The following CD109 variants were observed in gnomAD, a reference collection of about 807,000 sequenced individuals.
CD109 encodes CD109 antigen.
A neutral mutation model predicts 165.8 loss-of-function variants in CD109; 149 were observed. The ratio of observed to expected loss-of-function variants is 0.90; its 90% CI spans 0.79 to 1.03. The LOEUF (loss-of-function observed/expected upper bound fraction) is 1.03. CD109 is among the 50% of genes least tolerant of loss of function. The probability of loss-of-function intolerance (pLI) is 0.00; values close to 1 mark genes in which losing one functional copy is unlikely to be tolerated. For missense variants in CD109, 1,712 were observed against 1,677.8 expected (o/e 1.02, Z -0.36); for synonymous variants, 585 against 592.1 (o/e 0.99, Z 0.18).
intron 3 of CD109, among the ~76,000 whole-genome samples, chr6:73,729,865 A>G (rs539667978): frequency 2.0e-4 from 31 of 152,228 alleles, no homozygotes; most frequent in African/African-American, 7.0e-4. Flanking sequence ...CATCATCCCT[A>G]CCAAGACTAT....
Position 73,723,278 on chromosome 6 carries a change from C to G in CD109, c.275C>G (p.Ser92Ter). 6.2e-7 allele frequency: 1 copy of G among 1,609,724 alleles called. No homozygotes were observed. Among genetic ancestry groups the G allele is most frequent in the Non-Finnish European group, 8.5e-7 (1 of 1,177,248 alleles). The change falls in exon 3 of 33, where the codon TCA becomes TGA. Residue 92 changes from serine to a stop codon, truncating the protein, a stop_gained and splice_region_variant. Transcript: ENST00000287097. LOFTEE classifies it high-confidence loss of function. ...KGSFKTLTLPSLPLNSADEIY... is the reference protein window; with the variant it reads ...KGSFKTLTLP ...TCTTTTAAGACACTTACTCTTCCAT[C>G]AGTAAGTATCCATTTAAAAAATTTG...
intron 4 of CD109, among the ~76,000 whole-genome samples, chr6:73,735,435 T>A (rs1476306748): frequency 6.6e-6 from 1 of 152,022 alleles, no homozygotes; most frequent in Admixed American, 6.6e-5. Flanking sequence ...GGAAGATTAG[T>A]TGCATTAGTT....
At chr6:73,683,493 AG>A in the CD109 span, among the ~76,000 whole-genome samples, 1 of 152,214 alleles carries the variant, frequency 6.6e-6, no homozygotes, top group African/African-American at 2.4e-5. Context: ...GTCTCTAGGA[AG>A]TTCCAAACGT....
rs73458397 is a variant in CD109, at chr6:73,750,218, G to A, written c.634-6425G>A. 6.5e-3 allele frequency among the ~76,000 whole-genome samples: 994 copies of A among 152,204 alleles called. 17 individuals are homozygous for A. The highest frequency in any genetic ancestry group is 0.022 in the African/African-American group (928 of 41,540). On this transcript the variant is annotated intron_variant, in intron 5 of 32. Coordinates refer to ENST00000287097, the MANE Select transcript of CD109 (RefSeq NM_133493.5). ...CTGGGAATTTCAAGTTGGGTCTTTG[G>A]GAGAATCACCCATATCAGTTCTAGG... is the stretch of plus-strand genomic sequence containing the variant.
chr6:73,796,148 T>G (rs929143265), intron 23 of CD109, among the ~76,000 whole-genome samples: 1 of 152,194 alleles, frequency 6.6e-6, no homozygotes, highest in Non-Finnish European at 1.5e-5. Flanking sequence ...CTGACTAGTC[T>G]TTTTCTGTGT....
intron 3 of CD109, among the ~76,000 whole-genome samples, chr6:73,725,602 G>A (rs562244795): frequency 5.0e-5 from 7 of 140,010 alleles, no homozygotes; most frequent in South Asian, 2.2e-4. Flanking sequence ...TCCGTTTCCC[G>A]GATTCAAGAG....
upstream of CD109, chr6:73,695,977 T>G: frequency 2.0e-6 from 1 of 506,970 alleles, no homozygotes; most frequent in South Asian, 2.2e-5. Flanking sequence ...TCTCACCCCC[T>G]GGATTTGCGA....
rs1770827280 is a variant in CD109, at chr6:73,696,253, T to G, written c.38T>G (p.Leu13Arg). 6 of 1,540,692 alleles carry G rather than the reference T, an allele frequency of 3.9e-6. No individual in the cohort carries two copies. Among genetic ancestry groups the G allele is most frequent in the Non-Finnish European group, 4.4e-6 (5 of 1,148,334 alleles). ...GPPLLTAAHL[L>R]CVCTAALAVA... Reference sequence around the variant, plus strand: ...CCGCTCCTGACCGCCGCCCACCTCCTCTGCGTGTGCACCGCCGCGCTGGCC... The same window carrying G: ...CCGCTCCTGACCGCCGCCCACCTCCGCTGCGTGTGCACCGCCGCGCTGGCC... The change falls in exon 1 of 33, where the codon CTC becomes CGC. Residue 13 changes from leucine (L) to arginine (R), a missense_variant. Physicochemically the swap from Leu to Arg is moderately radical, Grantham distance 102. Transcript: ENST00000287097.
At chr6:73,781,918 C>T (rs912791156) in intron 17 of CD109, among the ~76,000 whole-genome samples, 1 of 151,846 alleles carries the variant, frequency 6.6e-6, no homozygotes, top group African/African-American at 2.4e-5. Context: ...AGTTGGCTGC[C>T]AAGTAATAAT....
At chr6:73,803,331 G>C (rs370347488) in intron 24 of CD109, 30 bp downstream of exon 24, 8 of 1,556,904 alleles carry the variant, frequency 5.1e-6, no homozygotes, top group Non-Finnish European at 6.2e-6. Flanking sequence ...GAACAAATCC[G>C]TGTCATGGAA....
In CD109 at chr6:73,806,962, T is replaced by C. The variant is rs760538487; in HGVS notation, c.3079T>C (p.Phe1027Leu). 1.9e-6 allele frequency: 3 copies of C among 1,614,010 alleles called. No individual in the cohort carries two copies. In the South Asian group the frequency reaches 3.3e-5, roughly 18 times the overall value. Reference sequence around the variant, plus strand: ...AGGACATCAGAAATCCAACGGTGAATTTTGGGATCCAGGAAGAGTGATTCA... The same window carrying C: ...AGGACATCAGAAATCCAACGGTGAACTTTGGGATCCAGGAAGAGTGATTCA... ...LKGHQKSNGE[F>L]WDPGRVIHSE... is the part of the protein sequence containing the mutation. Residue 1027 changes from phenylalanine to leucine, a missense_variant, in exon 25 of 33, where the codon TTT becomes CTT. Transcript: ENST00000287097.
intron 31 of CD109, among the ~76,000 whole-genome samples, chr6:73,820,071 C>T (rs911263513): frequency 6.6e-6 from 1 of 152,144 alleles, no homozygotes; most frequent in African/African-American, 2.4e-5. Flanking sequence ...GTTACCTCAC[C>T]TACTGGGTGA....
chr6:73,759,679 T>G (rs892160502), intron 7 of CD109, among the ~76,000 whole-genome samples: 3 of 152,212 alleles, frequency 2.0e-5, no homozygotes, highest in Non-Finnish European at 4.4e-5. Flanking sequence ...AAATTATATT[T>G]GGATTTTAAA....
chr6:73,730,233 C>G, intron 3 of CD109, 111 bp from the exon 4 acceptor site: 1 of 695,640 alleles, frequency 1.4e-6, no homozygotes, highest in Non-Finnish European at 2.5e-6. Context: ...TTCAACATCG[C>G]AGTTACTTTT....
rs150273550 is a variant in CD109, at chr6:73,808,205, G to T, written c.3312G>T (p.Ala1104=). 6.2e-7 allele frequency: 1 copy of T among 1,613,458 alleles called. No homozygotes were observed. Among genetic ancestry groups the T allele is most frequent in the Non-Finnish European group, 8.5e-7 (1 of 1,179,622 alleles). The change falls in exon 26 of 33, where the codon GCG becomes GCT. Residue 1104 remains alanine, a synonymous_variant. Coordinates refer to ENST00000287097, the MANE Select transcript of CD109 (RefSeq NM_133493.5). ...TGTCATCAGTGGGGAGTCCTAAAGC[G>T]AAGGAAGCTTTGAATATGCTGACTT... is the stretch of plus-strand genomic sequence containing the variant. ...YALSSVGSPK[A]KEALNMLTWR...
At chr6:73,721,279 G>T (rs1771938123) in intron 2 of CD109, among the ~76,000 whole-genome samples, 1 of 152,048 alleles carries the variant, frequency 6.6e-6, no homozygotes, top group Non-Finnish European at 1.5e-5. Context: ...CACTGGGGTG[G>T]TAGTCTTCAA....
intron 5 of CD109, among the ~76,000 whole-genome samples, chr6:73,743,330 C>T (rs1436531889): frequency 3.3e-5 from 5 of 152,166 alleles, no homozygotes; most frequent in Non-Finnish European, 5.9e-5. Flanking sequence ...CAAGAAATAG[C>T]AAGCAGAAAA....
intron 6 of CD109, among the ~76,000 whole-genome samples, chr6:73,756,908 TC>T (rs1773415765): frequency 6.6e-6 from 1 of 152,236 alleles, no homozygotes; most frequent in African/African-American, 2.4e-5. Flanking sequence ...ATTGTGCTAG[TC>T]TTTTTCTTAT....
the CD109 span, among the ~76,000 whole-genome samples, chr6:73,690,652 C>T: frequency 4.5e-4 from 69 of 152,298 alleles, no homozygotes; most frequent in African/African-American, 1.3e-3. Context: ...CTGCCCGCCT[C>T]GGCCTCCCAA....
Sources: gnomAD v4.1 joint callset for allele counts (sites outside exome capture counted in the v4.1 genomes callset) on GRCh38, gnomAD v4.1.1 for gene constraint, MANE v1.5 for transcripts, NCBI Gene and HGNC (gene_info 2026-07-23, HGNC 2026-07-21) for gene names.